Variants in CPA3 observed in about 807,000 individuals in gnomAD.
CPA3 encodes carboxypeptidase A3.
A neutral mutation model predicts 55.8 loss-of-function variants in CPA3; 52 were observed. The observed-to-expected ratio is 0.93, with a 90% CI of 0.75 to 1.17. The LOEUF is 1.17. Ranked by LOEUF, CPA3 falls within the 50% of genes most tolerant of loss-of-function variation. CPA3 has a pLI of 0.00. For synonymous variants in CPA3, 179 were observed against 171.2 expected, an observed-to-expected ratio of 1.05 and a Z score of -0.36; for missense variants, 547 against 509.1, an observed-to-expected ratio of 1.07 and a Z score of -0.72.
chr3:148,873,322 A>T (rs1714118891), intron 3 of CPA3, among the ~76,000 whole-genome samples: 1 of 150,970 alleles, frequency 6.6e-6, no homozygotes, highest in South Asian at 2.1e-4. Context: ...TCACCCTGAC[A>T]GTGACTCTGC....
rs753756118 is a variant in CPA3, at chr3:148,868,976, G to A, written c.206G>A (p.Arg69Gln). 53 of 1,614,042 alleles carry A rather than the reference G, an allele frequency of 3.3e-5. No individual in the cohort carries two copies. Among genetic ancestry groups the A allele is most frequent in the Admixed American group, 6.7e-5 (4 of 60,026 alleles). The change falls in exon 3 of 11, where the codon CGA becomes CAA. Residue 69 changes from arginine to glutamine, a missense_variant. Physicochemically the swap from Arg to Gln is conservative, Grantham distance 43. Coordinates refer to ENST00000296046, the MANE Select transcript of CPA3 (RefSeq NM_001870.4). ...GCTGCTAATATGATGGTGGATTTCC[G>A]AGTTAGTGAGAAGGAATCCCAAGCC... ...HVAANMMVDF[R>Q]VSEKESQAIQ...
intron 1 of CPA3, 24 bp from the exon 2 acceptor site, chr3:148,865,449 T>A: frequency 6.8e-6 from 11 of 1,613,650 alleles, no homozygotes; most frequent in Non-Finnish European, 9.3e-6. Context: ...GTTCACTTTT[T>A]TTTTTTCATT....
chr3:148,885,178 G>A (rs1384907218), intron 9 of CPA3, among the ~76,000 whole-genome samples: 1 of 152,050 alleles, frequency 6.6e-6, no homozygotes, highest in Non-Finnish European at 1.5e-5. Context: ...GATGAGTAGA[G>A]AAGATCCTGT....
chr3:148,894,010 A>C (rs1714753887), intron 10 of CPA3, among the ~76,000 whole-genome samples: 1 of 152,240 alleles, frequency 6.6e-6, no homozygotes, highest in Non-Finnish European at 1.5e-5. Context: ...ACCTACTCTT[A>C]ATGGCTAAAA....
chr3:148,879,401 C>T (rs559891105), intron 5 of CPA3, among the ~76,000 whole-genome samples: 22 of 152,230 alleles, frequency 1.4e-4, no homozygotes, highest in African/African-American at 5.3e-4. Context: ...TTCTCCATTC[C>T]AGGGTAAATA....
intron 3 of CPA3, among the ~76,000 whole-genome samples, chr3:148,876,814 G>A (rs1201650530): frequency 6.6e-6 from 1 of 152,118 alleles, no homozygotes; most frequent in African/African-American, 2.4e-5. Context: ...GATTAATGAA[G>A]CAAATAGAAA....
chr3:148,878,568 T>A (rs2108033375), intron 4 of CPA3, 25 bp downstream of exon 4: 1 of 1,576,518 alleles, frequency 6.3e-7, no homozygotes, highest in Non-Finnish European at 8.7e-7. Flanking sequence ...GCCTGTACTT[T>A]TTTTTAAGTT....
intron 6 of CPA3, 183 bp from the exon 7 acceptor site, chr3:148,881,339 A>G: frequency 2.1e-6 from 1 of 484,878 alleles, no homozygotes; most frequent in Non-Finnish European, 3.7e-6. Flanking sequence ...ACTAGTCTAA[A>G]TAAGTTAGGT....
chr3:148,883,611 A>G lies in CPA3; in HGVS notation c.779-2A>G. The G allele has an allele frequency of 6.2e-7, 1 of 1,613,456 alleles. No individual in the cohort carries two copies. On this transcript the variant is annotated splice_acceptor_variant, in intron 8 of 10. Transcript: ENST00000296046. LOFTEE classifies it high-confidence loss of function. ...GGTCTCATCCACCTATGTCTTCTGC[A>G]GCCATTCCTAACACCAATGACCCAT...
rs1393199932 is a variant in CPA3, at chr3:148,897,172, A to G, written c.*465A>G. On this transcript the variant is annotated 3_prime_UTR_variant, in exon 11 of 11. Transcript: ENST00000296046. Reference sequence around the variant, plus strand: ...TTAATGCCATTCATTCAGTCTGTTAATAAGAAATAATATCTTCAATTTTCA... The same window carrying G: ...TTAATGCCATTCATTCAGTCTGTTAGTAAGAAATAATATCTTCAATTTTCA... The G allele has an allele frequency of 6.6e-6, 1 of 152,332 alleles. No individual in the cohort carries two copies. The highest frequency in any genetic ancestry group is 1.5e-5 in the Non-Finnish European group (1 of 68,142). The allele number at this position is 152,332 out of a possible 1,614,324, so 9.4% of individuals were successfully genotyped here. A position where few individuals can be genotyped will look rare whatever the true frequency, so the allele number is the denominator to read the frequency against.
chr3:148,884,442 A>G (rs1159743526), intron 9 of CPA3, among the ~76,000 whole-genome samples: 2 of 152,210 alleles, frequency 1.3e-5, no homozygotes, highest in African/African-American at 4.8e-5. Context: ...ATGGGTGCAT[A>G]GAGGGATAAA....
intron 8 of CPA3, among the ~76,000 whole-genome samples, chr3:148,883,261 G>A (rs1018406827): frequency 6.6e-6 from 1 of 152,170 alleles, no homozygotes; most frequent in Admixed American, 6.6e-5. Context: ...TGTGCCCAGG[G>A]AAGGTAATTC....
chr3:148,891,503 CACACACACAT>C (rs1264208237), intron 10 of CPA3, among the ~76,000 whole-genome samples: 2 of 149,586 alleles, frequency 1.3e-5, no homozygotes, highest in African/African-American at 5.0e-5. Flanking sequence ...CACACACACA[CACACACACAT>C]ACACACACAC....
chr3:148,883,719 T>C lies in CPA3; in HGVS notation c.885T>C (p.Asn295=). 2 of 1,614,058 alleles carry C rather than the reference T, an allele frequency of 1.2e-6. No homozygotes were observed. The highest frequency in any genetic ancestry group is 8.5e-7 in the Non-Finnish European group (1 of 1,179,950). ...AVTNFIRSHL[N]EIKVYITFHS... ...CTAATTTCATTAGAAGCCACCTGAA[T>C]GAAATCAAGGTTTACATCACCTTCC... Residue 295 remains asparagine, a synonymous_variant, in exon 9 of 11, where the codon AAT becomes AAC. Transcript: ENST00000296046.
intron 6 of CPA3, among the ~76,000 whole-genome samples, chr3:148,881,042 T>C (rs1278387569): frequency 3.9e-5 from 6 of 152,168 alleles, no homozygotes; most frequent in African/African-American, 1.2e-4. Context: ...AAAAAAAAGT[T>C]GTTCAATCTC....
intron 3 of CPA3, among the ~76,000 whole-genome samples, chr3:148,872,800 A>T (rs1193026974): frequency 1.3e-5 from 2 of 152,216 alleles, no homozygotes; most frequent in Non-Finnish European, 2.9e-5. Context: ...TGTGACAAAC[A>T]GGAGTGTGGA....
intron 3 of CPA3, among the ~76,000 whole-genome samples, chr3:148,873,397 A>ACC (rs1714122868): frequency 6.6e-6 from 1 of 151,498 alleles, no homozygotes. Flanking sequence ...ACACACACAC[A>ACC]CACCCCAGAG....
rs1450975508 is a variant in CPA3, at chr3:148,896,600, G to C, written c.1147G>C (p.Gly383Arg). Residue 383 changes from glycine (G) to arginine (R), a missense_variant, in exon 11 of 11, where the codon GGC becomes CGC. Coordinates refer to ENST00000296046, the MANE Select transcript of CPA3 (RefSeq NM_001870.4). ...HTFAFELRDK[G>R]KFGFLLPESR... is the part of the protein sequence containing the mutation. ...ATTTGCCTTTGAGCTCCGAGATAAA[G>C]GCAAATTTGGTTTTCTCCTTCCAGA... 1 of 1,590,858 alleles carries C rather than the reference G, an allele frequency of 6.3e-7. No homozygotes were observed. Among genetic ancestry groups the C allele is most frequent in the African/African-American group, 1.3e-5 (1 of 74,646 alleles).
chr3:148,879,764 T>C, intron 5 of CPA3, 24 bp from the exon 6 acceptor site: 1 of 1,494,132 alleles, frequency 6.7e-7, no homozygotes, highest in South Asian at 1.1e-5. Context: ...TTCAAAACAA[T>C]ATCTCAAGTT....
Sources: allele counts gnomAD v4.1 joint callset (sites outside exome capture counted in the v4.1 genomes callset), GRCh38; gene constraint gnomAD v4.1.1; transcripts MANE v1.5; gene names NCBI Gene and HGNC (gene_info 2026-07-23, HGNC 2026-07-21).